SGK3: variants seen among roughly 807,000 people sequenced by gnomAD.
The protein encoded by SGK3 is serine/threonine-protein kinase Sgk3.
A neutral mutation model predicts 68.5 loss-of-function variants in SGK3; 47 were observed. That is an observed-to-expected ratio of 0.69 (90% CI 0.54 to 0.87). The LOEUF (loss-of-function observed/expected upper bound fraction) is 0.87, where lower values mean the gene tolerates loss of function less well. Among genes scored for constraint, SGK3 ranks in the 40% least tolerant of loss-of-function variants. The pLI is 0.00. For missense variants in SGK3, 479 were observed against 575.5 expected (o/e 0.83, Z 1.72); for synonymous variants, 181 against 189.1 (o/e 0.96, Z 0.35).
chr8:66,731,227 G>A (rs1805141870), intron 1 of SGK3, among the ~76,000 whole-genome samples: 1 of 152,130 alleles, frequency 6.6e-6, no homozygotes, highest in African/African-American at 2.4e-5. Context: ...AATGTTTCAT[G>A]TGTATGTTAG....
chr8:66,799,020 T>G lies in SGK3; in HGVS notation c.180+395T>G, dbSNP rs189810842. On this transcript the variant is annotated intron_variant, in intron 3 of 16. Coordinates refer to ENST00000521198, the MANE Select transcript of SGK3 (RefSeq NM_001033578.3). ...TCTCCCTTCCATACTTTGTTTCCAT[T>G]CTTAGAGATATGTCTTAGGTTCCAG... 4.1e-3 allele frequency among the ~76,000 whole-genome samples: 619 copies of G among 152,350 alleles called. 5 individuals carry two copies. The highest frequency in any genetic ancestry group is 0.014 in the African/African-American group (586 of 41,578).
At chr8:66,833,632 T>C (rs1285610873) in intron 8 of SGK3, among the ~76,000 whole-genome samples, 4 of 152,230 alleles carry the variant, frequency 2.6e-5, no homozygotes, top group Non-Finnish European at 5.9e-5. Context: ...GTGACCATGG[T>C]ATATTACTTT....
At chr8:66,769,370 T>G (rs925780934) in intron 1 of SGK3, among the ~76,000 whole-genome samples, 1 of 152,190 alleles carries the variant, frequency 6.6e-6, no homozygotes, top group African/African-American at 2.4e-5. Flanking sequence ...ACTACAGATG[T>G]GCGCCACCAT....
At chr8:66,858,974 T>G (rs1313882490) in intron 16 of SGK3, among the ~76,000 whole-genome samples, 1 of 152,114 alleles carries the variant, frequency 6.6e-6, no homozygotes, top group Non-Finnish European at 1.5e-5. Context: ...TTCAAGGGAA[T>G]GAATTAGGAA....
At chr8:66,809,503 C>T (rs1217843567) in intron 4 of SGK3, among the ~76,000 whole-genome samples, 1 of 151,810 alleles carries the variant, frequency 6.6e-6, no homozygotes, top group Admixed American at 6.6e-5. Flanking sequence ...CAGGTTAGAG[C>T]ACATCAGTAT....
intron 1 of SGK3, among the ~76,000 whole-genome samples, chr8:66,751,575 A>G (rs1805819062): frequency 6.6e-6 from 1 of 152,126 alleles, no homozygotes; most frequent in African/African-American, 2.4e-5. Context: ...AATGAATTAT[A>G]AATATGGTAT....
Position 66,757,210 on chromosome 8 carries a change from C to T in SGK3, c.-121-36406C>T, listed in dbSNP as rs534680504. ...GCAGTGGCATGATCATGGCTCACTG[C>T]AGCTTCAACCTCCTTGGCTCAAGTG... On this transcript the variant is annotated intron_variant, in intron 1 of 16. Transcript: ENST00000521198. Among the ~76,000 whole-genome samples, 41 of 150,690 alleles carry T rather than the reference C, an allele frequency of 2.7e-4. No individual in the cohort carries two copies. In the South Asian group the frequency reaches 7.1e-3, roughly 26 times the overall value.
chr8:66,831,768 C>G (rs1441372586), intron 8 of SGK3, among the ~76,000 whole-genome samples: 1 of 152,162 alleles, frequency 6.6e-6, no homozygotes, highest in Non-Finnish European at 1.5e-5. Context: ...AAAATACTAA[C>G]AATAATTAGG....
chr8:66,766,700 T>C (rs1440320165), intron 1 of SGK3, among the ~76,000 whole-genome samples: 9 of 152,212 alleles, frequency 5.9e-5, no homozygotes, highest in Admixed American at 2.0e-4. Flanking sequence ...TTTTTGTTCA[T>C]ATATTTTGAA....
At chr8:66,856,130 C>T (rs951947111) in intron 16 of SGK3, among the ~76,000 whole-genome samples, 1 of 151,308 alleles carries the variant, frequency 6.6e-6, no homozygotes, top group African/African-American at 2.4e-5. Flanking sequence ...TGCAGTGGCA[C>T]GATATTGGCT....
chr8:66,746,862 A>C (rs1413088327), intron 1 of SGK3, among the ~76,000 whole-genome samples: 1 of 152,002 alleles, frequency 6.6e-6, no homozygotes, highest in African/African-American at 2.4e-5. Context: ...TGTGGGCCTA[A>C]AAAATATATA....
At chr8:66,823,841 A>G (rs1454199161) in intron 6 of SGK3, among the ~76,000 whole-genome samples, 1 of 152,216 alleles carries the variant, frequency 6.6e-6, no homozygotes, top group Non-Finnish European at 1.5e-5. Context: ...TTATGTAGCA[A>G]TTAAATTATT....
chr8:66,749,423 A>G (rs1478342620), intron 1 of SGK3, among the ~76,000 whole-genome samples: 1 of 152,078 alleles, frequency 6.6e-6, no homozygotes, highest in Non-Finnish European at 1.5e-5. Context: ...GAATAACAGT[A>G]AAAACCCAGC....
At position 66,747,498 on chromosome 8, in the gene SGK3, T is replaced by G. The variant is rs574225533; in HGVS notation, c.-122+34665T>G. Among the ~76,000 whole-genome samples the G allele has an allele frequency of 2.6e-5, 4 of 152,314 alleles. No individual in the cohort carries two copies. In the South Asian group the frequency reaches 6.2e-4, roughly 24 times the overall value. Reference sequence around the variant, plus strand: ...AACTAAAGGAGACCAAGATCTGGTATGGTGCCATATTATGAAAGAATGGTC... The same window carrying G: ...AACTAAAGGAGACCAAGATCTGGTAGGGTGCCATATTATGAAAGAATGGTC... On this transcript the variant is annotated intron_variant, in intron 1 of 16. Coordinates refer to ENST00000521198, the MANE Select transcript of SGK3 (RefSeq NM_001033578.3).
chr8:66,784,045 G>A (rs948081455), intron 1 of SGK3, among the ~76,000 whole-genome samples: 1 of 151,944 alleles, frequency 6.6e-6, no homozygotes, highest in Admixed American at 6.6e-5. Flanking sequence ...CTACAGGTAC[G>A]TGCCACCATG....
chr8:66,770,019 T>C (rs1806456727), intron 1 of SGK3, among the ~76,000 whole-genome samples: 1 of 152,216 alleles, frequency 6.6e-6, no homozygotes, highest in African/African-American at 2.4e-5. Context: ...AGTGGCGCAA[T>C]CTCCGCTCAC....
At chr8:66,764,868 A>AT (rs1806272771) in intron 1 of SGK3, among the ~76,000 whole-genome samples, 1 of 152,178 alleles carries the variant, frequency 6.6e-6, no homozygotes, top group African/African-American at 2.4e-5. Context: ...AGGTTCATTC[A>AT]TTTTGTAGCA....
chr8:66,788,330 CAT>C (rs1348154525), intron 1 of SGK3, among the ~76,000 whole-genome samples: 2 of 152,218 alleles, frequency 1.3e-5, no homozygotes, highest in East Asian at 3.8e-4. Flanking sequence ...GTTGTTTTTA[CAT>C]AGTCTCTTGG....
intron 1 of SGK3, among the ~76,000 whole-genome samples, chr8:66,757,956 T>C (rs936374399): frequency 1.4e-4 from 20 of 147,268 alleles, no homozygotes; most frequent in South Asian, 2.1e-4. Context: ...TATATATATA[T>C]ACACACACTA....
Sources: gnomAD v4.1 joint callset for allele counts (sites outside exome capture counted in the v4.1 genomes callset) on GRCh38, gnomAD v4.1.1 for gene constraint, MANE v1.5 for transcripts, NCBI Gene and HGNC (gene_info 2026-07-23, HGNC 2026-07-21) for gene names.